The following RBFOX1 variants were observed in gnomAD, a reference collection of about 807,000 sequenced individuals.
RBFOX1 encodes the protein RNA binding fox-1 homolog 1, also known as RNA binding protein fox-1 homolog 1.
In RBFOX1, 8 loss-of-function variants were observed where a neutral mutation model predicts 57.7. The observed-to-expected ratio is 0.14, with a 90% CI of 0.08 to 0.25. The LOEUF (loss-of-function observed/expected upper bound fraction) is 0.25. RBFOX1 is among the 10% of genes least tolerant of loss of function. The pLI is 1.00. For synonymous variants in RBFOX1, 326 were observed against 222.4 expected, an observed-to-expected ratio of 1.47 and a Z score of -4.15; for missense variants, 611 against 548.5, an observed-to-expected ratio of 1.11 and a Z score of -1.14.
At chr16:7,021,540 A>G (rs550003481) in intron 3 of RBFOX1, among the ~76,000 whole-genome samples, 33 of 145,542 alleles carry the variant, frequency 2.3e-4, no homozygotes, top group African/African-American at 6.7e-4. Flanking sequence ...AAATTTTATA[A>G]AATTTTTATA....
At chr16:7,451,233 A>G (rs933127561) in intron 4 of RBFOX1, among the ~76,000 whole-genome samples, 1 of 152,252 alleles carries the variant, frequency 6.6e-6, no homozygotes. Flanking sequence ...ATATAATCAT[A>G]TAATATTGAA....
intron 4 of RBFOX1, among the ~76,000 whole-genome samples, chr16:5,933,778 G>T (rs1383027764): frequency 1.4e-5 from 2 of 142,456 alleles, no homozygotes; most frequent in Non-Finnish European, 3.1e-5. Flanking sequence ...GCCACAAGGT[G>T]TTTTTTTTTG....
chr16:7,125,614 A>C (rs561364134), intron 4 of RBFOX1, among the ~76,000 whole-genome samples: 1 of 152,206 alleles, frequency 6.6e-6, no homozygotes, highest in Non-Finnish European at 1.5e-5. Flanking sequence ...CATCGCAATA[A>C]TATAGAAGAT....
chr16:7,507,678 C>G (rs1004401226), intron 4 of RBFOX1, among the ~76,000 whole-genome samples: 3 of 148,776 alleles, frequency 2.0e-5, no homozygotes, highest in African/African-American at 7.4e-5. Flanking sequence ...ATTCTTCTGC[C>G]TCAACCTCCC....
At chr16:7,358,666 C>G (rs1054050382) in intron 4 of RBFOX1, among the ~76,000 whole-genome samples, 1 of 152,122 alleles carries the variant, frequency 6.6e-6, no homozygotes, top group East Asian at 1.9e-4. Context: ...GTGATCCACC[C>G]ACCTCGGCCT....
chr16:5,282,172 C>T (rs1458796267), intron 1 of RBFOX1, among the ~76,000 whole-genome samples: 2 of 152,204 alleles, frequency 1.3e-5, no homozygotes, highest in African/African-American at 2.4e-5. Flanking sequence ...CAAGCTCTCT[C>T]TTTGCCTGCT....
At chr16:7,699,666 A>G (rs936254622) in intron 14 of RBFOX1, among the ~76,000 whole-genome samples, 2 of 152,250 alleles carry the variant, frequency 1.3e-5, no homozygotes, top group African/African-American at 4.8e-5. Context: ...AAATATATCA[A>G]TAATTGTGAG....
rs558712845 is a variant in RBFOX1, at chr16:5,759,603, G to C, written c.319-107700G>C. On this transcript the variant is annotated intron_variant, in intron 3 of 19. Coordinates refer to the RBFOX1 transcript ENST00000641259. ...GAACATGAGGTTCCTTTTGCCGCCA[G>C]TGCCAGGCATGTGCTAGATCTCCAT... 5.9e-5 allele frequency among the ~76,000 whole-genome samples: 9 copies of C among 152,334 alleles called. No homozygotes were observed. In the East Asian group the frequency reaches 1.7e-3, roughly 29 times the overall value.
chr16:5,873,627 A>G (rs564122724), intron 4 of RBFOX1, among the ~76,000 whole-genome samples: 10 of 152,358 alleles, frequency 6.6e-5, no homozygotes, highest in Non-Finnish European at 1.2e-4. Flanking sequence ...TACAAAGTTG[A>G]CACACTATCA....
chr16:7,605,941 C>A (rs921853928), intron 9 of RBFOX1, among the ~76,000 whole-genome samples: 3 of 151,506 alleles, frequency 2.0e-5, no homozygotes, highest in Admixed American at 6.6e-5. Context: ...CAGCTTCAAG[C>A]GATTCTCATG....
intron 3 of RBFOX1, among the ~76,000 whole-genome samples, chr16:5,827,799 A>G (rs1294942366): frequency 6.6e-6 from 1 of 151,956 alleles, no homozygotes; most frequent in African/African-American, 2.4e-5. Context: ...ACACTCGTCC[A>G]TTCATTCATT....
intron 4 of RBFOX1, among the ~76,000 whole-genome samples, chr16:7,199,211 G>C (rs12709184): frequency 0.31 from 47,753 of 152,036 alleles, 7,770 homozygotes; most frequent in Non-Finnish European, 0.36. Flanking sequence ...GCATAGAGGG[G>C]GACATTTTAA....
At chr16:5,923,052 G>C (rs1171107637) in intron 4 of RBFOX1, among the ~76,000 whole-genome samples, 1 of 152,122 alleles carries the variant, frequency 6.6e-6, no homozygotes, top group Non-Finnish European at 1.5e-5. Flanking sequence ...ACAAGGCCTT[G>C]GATGGTTTTC....
chr16:6,384,156 A>T (rs1224766052), intron 2 of RBFOX1, among the ~76,000 whole-genome samples: 2 of 150,782 alleles, frequency 1.3e-5, no homozygotes, highest in Non-Finnish European at 2.9e-5. Flanking sequence ...TGGATCATTA[A>T]TCTAAGTATT....
intron 3 of RBFOX1, among the ~76,000 whole-genome samples, chr16:5,714,023 A>T (rs1439917467): frequency 6.6e-6 from 1 of 152,186 alleles, no homozygotes; most frequent in Non-Finnish European, 1.5e-5. Flanking sequence ...CCTAATTAGG[A>T]GGTAAAGAAA....
intron 3 of RBFOX1, among the ~76,000 whole-genome samples, chr16:6,657,786 G>C (rs1366215784): frequency 1.3e-5 from 2 of 152,120 alleles, no homozygotes; most frequent in South Asian, 4.1e-4. Context: ...ACTGTTGAGA[G>C]CTCTGAAAGA....
At chr16:6,335,506 G>A (rs551717565) in intron 2 of RBFOX1, among the ~76,000 whole-genome samples, 1 of 152,188 alleles carries the variant, frequency 6.6e-6, no homozygotes, top group African/African-American at 2.4e-5. Flanking sequence ...CAGGCCGGGC[G>A]CGGTGGTTCA....
chr16:7,631,479 C>T (rs948285216), intron 11 of RBFOX1, among the ~76,000 whole-genome samples: 1 of 152,226 alleles, frequency 6.6e-6, no homozygotes, highest in Admixed American at 6.5e-5. Context: ...CTACCATGTT[C>T]TCCCAGAGGG....
chr16:6,590,014 C>G (rs1388920067), intron 2 of RBFOX1, among the ~76,000 whole-genome samples: 2 of 152,068 alleles, frequency 1.3e-5, no homozygotes, highest in African/African-American at 2.4e-5. Context: ...AGAAGTAGCT[C>G]TTAGTCTTGG....
Sources: allele counts gnomAD v4.1 joint callset (sites outside exome capture counted in the v4.1 genomes callset), GRCh38; gene constraint gnomAD v4.1.1; transcripts MANE v1.5; gene names NCBI Gene and HGNC (gene_info 2026-07-23, HGNC 2026-07-21).